The following ITGB8 variants were observed in gnomAD, a reference collection of about 807,000 sequenced individuals.
ITGB8 encodes the protein integrin beta-8.
In ITGB8, 30 loss-of-function variants were observed where a neutral mutation model predicts 89.5. The ratio of observed to expected loss-of-function variants is 0.34; its 90% CI spans 0.25 to 0.45. ITGB8 has a LOEUF of 0.45. ITGB8 is among the 20% of genes least tolerant of loss of function. The pLI, the probability that ITGB8 is intolerant of heterozygous loss-of-function variation, is 1.00. For synonymous variants in ITGB8, 335 were observed against 320.4 expected, an observed-to-expected ratio of 1.05 and a Z score of -0.49; for missense variants, 836 against 933.3, an observed-to-expected ratio of 0.90 and a Z score of 1.36.
chr7:20,388,751 AC>A (rs778137436), intron 6 of ITGB8, among the ~76,000 whole-genome samples: 186 of 152,074 alleles, frequency 1.2e-3, no homozygotes, highest in Middle Eastern at 3.4e-3. Flanking sequence ...CCCATCATCT[AC>A]ATTAGGTATT....
At chr7:20,380,053 T>C (rs918135328) in intron 4 of ITGB8, 1 of 152,266 alleles carries the variant, frequency 6.6e-6, no homozygotes, top group Non-Finnish European at 1.5e-5. Flanking sequence ...CATTCCAATT[T>C]ACCGAAACAG....
At chr7:20,345,938 T>A (rs1185026314) in intron 1 of ITGB8, among the ~76,000 whole-genome samples, 1 of 151,996 alleles carries the variant, frequency 6.6e-6, no homozygotes, top group Non-Finnish European at 1.5e-5. Context: ...GACATAGGAG[T>A]ATTGTTGGAG....
chr7:20,398,590 T>C (rs1457990714), intron 8 of ITGB8, among the ~76,000 whole-genome samples: 1 of 152,162 alleles, frequency 6.6e-6, no homozygotes, highest in Non-Finnish European at 1.5e-5. Context: ...CTGATAAATA[T>C]CTTTGAAGGG....
intron 1 of ITGB8, among the ~76,000 whole-genome samples, chr7:20,338,231 C>T (rs1240049727): frequency 6.6e-6 from 1 of 152,072 alleles, no homozygotes; most frequent in East Asian, 1.9e-4. Context: ...GTTTCTTTGC[C>T]TGGTTTGTAG....
chr7:20,365,344 A>G (rs999948376), intron 2 of ITGB8: 2 of 152,244 alleles, frequency 1.3e-5, no homozygotes, highest in Non-Finnish European at 2.9e-5. Flanking sequence ...AATATTCTAT[A>G]TAGCGCAGTG....
chr7:20,410,947 C>G lies in ITGB8; in HGVS notation c.*950C>G, dbSNP rs551784205. 1 of 152,554 alleles carries G rather than the reference C, an allele frequency of 6.6e-6. No individual in the cohort carries two copies. The highest frequency in any genetic ancestry group is 2.4e-5 in the African/African-American group (1 of 41,520). The allele number at this position is 152,554 out of a possible 1,614,324, so 9.5% of individuals were successfully genotyped here. On this transcript the variant is annotated 3_prime_UTR_variant, in exon 14 of 14. Coordinates refer to ENST00000222573, the MANE Select transcript of ITGB8 (RefSeq NM_002214.3). ...TTCACAAGATAGTTAGAAATTCTGCCTCAAGCAAAGTACCACATTTTGAAT... is the reference window on the plus strand; with the variant it reads ...TTCACAAGATAGTTAGAAATTCTGCGTCAAGCAAAGTACCACATTTTGAAT...
chr7:20,355,572 C>T (rs573279363), intron 1 of ITGB8, among the ~76,000 whole-genome samples: 1 of 152,274 alleles, frequency 6.6e-6, no homozygotes, highest in African/African-American at 2.4e-5. Flanking sequence ...GGAATCCAAA[C>T]TGGTTTTCAC....
Position 20,331,588 on chromosome 7 carries a change from C to A in ITGB8, c.-219C>A, listed in dbSNP as rs949595844. On this transcript the variant is annotated 5_prime_UTR_variant, in exon 1 of 14. Transcript: ENST00000222573. ...TTCTCGCGGAGACCGCGGGACCCGC[C>A]GTGCCGAGCCGGGAGGGCCGCAGGG... 4.2e-6 allele frequency: 2 copies of A among 478,442 alleles called. No homozygotes were observed. Among genetic ancestry groups the A allele is most frequent in the African/African-American group, 4.1e-5 (2 of 49,332 alleles). 29.6% of individuals were successfully genotyped at this position (478,442 alleles called of 1,614,324 possible).
In ITGB8 at chr7:20,404,825, A is replaced by T; in HGVS notation, c.1885A>T (p.Thr629Ser). The change falls in exon 11 of 14, where the codon ACC (threonine) becomes TCC (serine). Residue 629 changes from threonine to serine, a missense_variant. Physicochemically the swap from Thr to Ser is moderately conservative, Grantham distance 58. Transcript: ENST00000222573. ...SIGRFCEHCP[T>S]CYTACKENWN... ...CGGCCGCTTCTGTGAACACTGCCCC[A>T]CCTGTTATACAGCCTGCAAGGAAAA... 1 of 1,614,194 alleles carries T rather than the reference A, an allele frequency of 6.2e-7. No homozygotes were observed. The highest frequency in any genetic ancestry group is 8.5e-7 in the Non-Finnish European group (1 of 1,180,012).
At chr7:20,403,135 T>C (rs984770911) in intron 10 of ITGB8, among the ~76,000 whole-genome samples, 1 of 152,288 alleles carries the variant, frequency 6.6e-6, no homozygotes, top group South Asian at 2.1e-4. Flanking sequence ...CAATGGAAAA[T>C]TGTCTTTTTA....
intron 6 of ITGB8, 45 bp from the exon 7 acceptor site, chr7:20,391,358 A>C: frequency 9.7e-7 from 1 of 1,030,736 alleles, no homozygotes; most frequent in South Asian, 1.5e-5. Context: ...AATAGGATGG[A>C]GCTATGAAAT....
chr7:20,393,692 C>G (rs1019479477), intron 7 of ITGB8, among the ~76,000 whole-genome samples: 1 of 152,198 alleles, frequency 6.6e-6, no homozygotes, highest in African/African-American at 2.4e-5. Flanking sequence ...TGTGCACAAA[C>G]ACTCAGCCAG....
At chr7:20,403,963 C>A (rs1298683456) in intron 10 of ITGB8, among the ~76,000 whole-genome samples, 2 of 152,156 alleles carry the variant, frequency 1.3e-5, no homozygotes, top group African/African-American at 4.8e-5. Context: ...TTCTTCACCC[C>A]ACATGCATAA....
chr7:20,391,359 G>A, intron 6 of ITGB8, 44 bp from the exon 7 acceptor site: 1 of 1,040,382 alleles, frequency 9.6e-7, no homozygotes, highest in Non-Finnish European at 1.5e-6. Flanking sequence ...ATAGGATGGA[G>A]CTATGAAATT....
chr7:20,379,129 C>A lies in ITGB8; in HGVS notation c.467C>A (p.Ser156Ter). ...GATCTTTATTATCTTGTTGATGTCTCAGCATCAATGCACAATAATATAGAA... is the reference window on the plus strand; with the variant it reads ...GATCTTTATTATCTTGTTGATGTCTAAGCATCAATGCACAATAATATAGAA... Reference protein sequence around the residue: ...PVDLYYLVDVSASMHNNIEKL... With the variant: ...PVDLYYLVDV Residue 156 changes from serine to a stop codon, truncating the protein, a stop_gained, in exon 4 of 14, where the codon TCA becomes TAA. Transcript: ENST00000222573. LOFTEE classifies it high-confidence loss of function. The A allele has an allele frequency of 6.2e-7, 1 of 1,601,784 alleles. No homozygotes were observed.
intron 7 of ITGB8, among the ~76,000 whole-genome samples, chr7:20,393,792 T>C (rs546343116): frequency 1.6e-4 from 24 of 152,184 alleles, no homozygotes; most frequent in Non-Finnish European, 3.1e-4. Context: ...TTATTAACTC[T>C]TACTCATACT....
chr7:20,343,593 G>C (rs927428065), intron 1 of ITGB8, among the ~76,000 whole-genome samples: 5 of 152,162 alleles, frequency 3.3e-5, no homozygotes, highest in African/African-American at 1.2e-4. Flanking sequence ...AAAAATTCAG[G>C]ATGGAGAAGC....
intron 1 of ITGB8, among the ~76,000 whole-genome samples, chr7:20,349,164 T>G (rs1785029426): frequency 6.6e-6 from 1 of 152,118 alleles, no homozygotes; most frequent in African/African-American, 2.4e-5. Flanking sequence ...TAATTCAGAG[T>G]TCCTTTTTGT....
chr7:20,396,330 G>A (rs1390685240), intron 8 of ITGB8, among the ~76,000 whole-genome samples: 4 of 151,984 alleles, frequency 2.6e-5, no homozygotes, highest in African/African-American at 9.7e-5. Context: ...CTACTCGGGA[G>A]GCTGAGGCAG....
Sources: gnomAD v4.1 joint callset for allele counts (sites outside exome capture counted in the v4.1 genomes callset) on GRCh38, gnomAD v4.1.1 for gene constraint, MANE v1.5 for transcripts, NCBI Gene and HGNC (gene_info 2026-07-23, HGNC 2026-07-21) for gene names.